Variants in GSTO1 observed in about 807,000 individuals in gnomAD.
The protein encoded by GSTO1 is glutathione S-transferase omega-1.
GSTO1 carries 27 observed loss-of-function variants against 23.8 expected under a neutral mutation model. The ratio of observed to expected loss-of-function variants is 1.13; its 90% CI spans 0.83 to 1.56. The LOEUF (loss-of-function observed/expected upper bound fraction) is 1.56, where lower values mean the gene tolerates loss of function less well. Among genes scored for constraint, GSTO1 ranks in the 40% most tolerant of loss-of-function variants. The pLI, the probability that GSTO1 is intolerant of heterozygous loss-of-function variation, is 0.00. For missense variants in GSTO1, 255 were observed against 285.8 expected (o/e 0.89, Z 0.78); for synonymous variants, 105 against 109.3 (o/e 0.96, Z 0.25).
chr10:104,266,662 G>A lies in GSTO1; in HGVS notation c.572+472G>A, dbSNP rs531131756. On this transcript the variant is annotated intron_variant, in intron 5 of 5. Transcript: ENST00000369713. ...TGAGGCAGGAGAATCACTTGAACCC[G>A]GGAGGCAGTTGCAGTGAGCTGAGAT... Among the ~76,000 whole-genome samples the A allele has an allele frequency of 5.3e-5, 8 of 151,996 alleles. No homozygotes were observed. In the East Asian group the frequency reaches 9.7e-4, roughly 18 times the overall value.
chr10:104,261,322 C>T (rs2011138401), intron 3 of GSTO1, among the ~76,000 whole-genome samples: 1 of 152,190 alleles, frequency 6.6e-6, no homozygotes, highest in South Asian at 2.1e-4. Flanking sequence ...AAGATGCCCA[C>T]CTTTACTTCC....
intron 2 of GSTO1, among the ~76,000 whole-genome samples, chr10:104,256,913 A>T (rs551426915): frequency 7.3e-5 from 11 of 149,758 alleles, no homozygotes; most frequent in Non-Finnish European, 1.3e-4. Flanking sequence ...AATGGCTGGT[A>T]CTTAAGTGTC....
intron 4 of GSTO1, among the ~76,000 whole-genome samples, chr10:104,265,233 T>C (rs997066316): frequency 1.3e-5 from 2 of 152,192 alleles, no homozygotes; most frequent in African/African-American, 4.8e-5. Context: ...AACAAAATAC[T>C]AGTTTGGGCT....
Position 104,259,659 on chromosome 10 carries a change from A to G in GSTO1, c.227A>G (p.Glu76Gly), listed in dbSNP as rs1337492547. The G allele has an allele frequency of 6.2e-7, 1 of 1,613,528 alleles. No homozygotes were observed. Among genetic ancestry groups the G allele is most frequent in the Non-Finnish European group, 8.5e-7 (1 of 1,179,452 alleles). Residue 76 changes from glutamate (E) to glycine (G), a missense_variant, in exon 3 of 6, where the codon GAA becomes GGA. By Grantham distance (98) the Glu-to-Gly change is moderately conservative. Coordinates refer to ENST00000369713, the MANE Select transcript of GSTO1 (RefSeq NM_004832.3). The stretch of plus-strand genomic sequence containing the variant: ...CCCTTTGGTCTGGTGCCAGTTCTGG[A>G]AAACAGTCAGGGTCAGCTGATCTAC... Reference protein sequence around the residue: ...KNPFGLVPVLENSQGQLIYES... With the variant: ...KNPFGLVPVLGNSQGQLIYES...
chr10:104,264,075 CATT>C (rs2135064571), intron 4 of GSTO1, among the ~76,000 whole-genome samples: 1 of 152,156 alleles, frequency 6.6e-6, no homozygotes, highest in African/African-American at 2.4e-5. Flanking sequence ...CTTATAGTAT[CATT>C]ATTGGCTTTT....
At chr10:104,263,195 T>G (rs1294946025) in intron 4 of GSTO1, 118 bp downstream of exon 4, 3 of 536,800 alleles carry the variant, frequency 5.6e-6, no homozygotes, top group Non-Finnish European at 1.0e-5. Context: ...ATTAGGAAAA[T>G]TCCCCTAAAC....
At position 104,254,948 on chromosome 10, in the gene GSTO1, G is replaced by A. The variant is rs72559704; in HGVS notation, c.20G>A (p.Arg7Lys). The A allele has an allele frequency of 2.3e-3, 3,779 of 1,610,756 alleles. 11 individuals carry two copies. Among genetic ancestry groups the A allele is most frequent in the Non-Finnish European group, 2.4e-3 (2,782 of 1,179,060 alleles). Residue 7 changes from arginine to lysine, a missense_variant, in exon 1 of 6, where the codon AGG becomes AAG. Coordinates refer to ENST00000369713, the MANE Select transcript of GSTO1 (RefSeq NM_004832.3). MSGESA[R>K]SLGKGSAPPG... is the part of the protein sequence containing the mutation. ...GCCACGATGTCCGGGGAGTCAGCCAGGAGCTTGGGGAAGGGTGAGGCCTGC... is the reference window on the plus strand; with the variant it reads ...GCCACGATGTCCGGGGAGTCAGCCAAGAGCTTGGGGAAGGGTGAGGCCTGC...
Position 104,254,896 on chromosome 10 carries a change from A to AC in GSTO1, c.-29dup, listed in dbSNP as rs1440092615. On this transcript the variant is annotated 5_prime_UTR_variant, in exon 1 of 6. Transcript: ENST00000369713. ...CACCTACTTCCTGAATCCCCTGCAA[A>AC]CCCCAGAGGAGCTCGGCCTGCGCTG... 4 of 1,607,520 alleles carry AC rather than the reference A, an allele frequency of 2.5e-6. No homozygotes were observed. Among genetic ancestry groups the AC allele is most frequent in the Non-Finnish European group, 3.4e-6 (4 of 1,176,614 alleles).
chr10:104,263,351 C>T (rs937201999), intron 4 of GSTO1, among the ~76,000 whole-genome samples: 1 of 152,152 alleles, frequency 6.6e-6, no homozygotes, highest in Non-Finnish European at 1.5e-5. Flanking sequence ...GGAAATTGTA[C>T]CCACGTTTCC....
intron 4 of GSTO1, among the ~76,000 whole-genome samples, chr10:104,263,740 GTTTTTCAGAAACCTT>G (rs1229840444): frequency 2.6e-5 from 4 of 151,884 alleles, no homozygotes; most frequent in African/African-American, 7.3e-5. Flanking sequence ...TTTGCTGTAG[GTTTTTCAGAAACCTT>G]TTTTTCATTA....
chr10:104,267,344 G>A lies in GSTO1; in HGVS notation c.665G>A (p.Trp222Ter). ...VSALLTSEKD[W>*]QGFLELYLQN... ...GCCCTGCTTACTAGTGAGAAAGACT[G>A]GCAAGGTTTCCTAGAGCTCTACTTA... The change falls in exon 6 of 6, where the codon TGG (tryptophan) becomes TAG (stop). Residue 222 changes from tryptophan to a stop codon, truncating the protein, a stop_gained. Transcript: ENST00000369713. LOFTEE classifies it high-confidence loss of function. 1 of 1,613,782 alleles carries A rather than the reference G, an allele frequency of 6.2e-7. No homozygotes were observed. Among genetic ancestry groups the A allele is most frequent in the Admixed American group, 1.7e-5 (1 of 60,028 alleles).
intron 4 of GSTO1, among the ~76,000 whole-genome samples, chr10:104,264,944 T>A (rs1403689898): frequency 6.6e-6 from 1 of 152,198 alleles, no homozygotes; most frequent in East Asian, 1.9e-4. Context: ...CTCTTGATGG[T>A]ATGGCTGCCC....
At chr10:104,258,022 A>G (rs1191544666) in intron 2 of GSTO1, among the ~76,000 whole-genome samples, 1 of 152,248 alleles carries the variant, frequency 6.6e-6, no homozygotes, top group Non-Finnish European at 1.5e-5. Flanking sequence ...TGAAGCTTAC[A>G]TTCTAGGAAG....
At chr10:104,265,168 C>A (rs1431137737) in intron 4 of GSTO1, among the ~76,000 whole-genome samples, 1 of 152,334 alleles carries the variant, frequency 6.6e-6, no homozygotes, top group African/African-American at 2.4e-5. Flanking sequence ...AGCATAAAAA[C>A]ACAACACGTT....
upstream of GSTO1, chr10:104,254,666 T>C: frequency 3.5e-6 from 2 of 566,110 alleles, no homozygotes; most frequent in Non-Finnish European, 6.3e-6. Flanking sequence ...GGCGGAGGGA[T>C]GACTGAGCAT....
chr10:104,263,270 A>C (rs2011153894), intron 4 of GSTO1, among the ~76,000 whole-genome samples, 193 bp downstream of exon 4: 1 of 152,244 alleles, frequency 6.6e-6, no homozygotes, highest in Non-Finnish European at 1.5e-5. Flanking sequence ...TATAAATCAA[A>C]ACACCTAAAC....
At chr10:104,265,998 CT>C in intron 4 of GSTO1, 85 bp from the exon 5 acceptor site, 1 of 698,204 alleles carries the variant, frequency 1.4e-6, no homozygotes, top group South Asian at 1.8e-5. Flanking sequence ...CTTCTCTCAC[CT>C]GCTCTACTTA....
Position 104,254,916 on chromosome 10 carries a change from G to A in GSTO1, c.-13G>A. The A allele has an allele frequency of 3.7e-6, 6 of 1,611,380 alleles. No individual in the cohort carries two copies. Among genetic ancestry groups the A allele is most frequent in the Non-Finnish European group, 5.1e-6 (6 of 1,179,146 alleles). Reference sequence around the variant, plus strand: ...TGCAAACCCCAGAGGAGCTCGGCCTGCGCTGCGCCACGATGTCCGGGGAGT... The same window carrying A: ...TGCAAACCCCAGAGGAGCTCGGCCTACGCTGCGCCACGATGTCCGGGGAGT... On this transcript the variant is annotated 5_prime_UTR_variant, in exon 1 of 6. Coordinates refer to ENST00000369713, the MANE Select transcript of GSTO1 (RefSeq NM_004832.3).
intron 2 of GSTO1, among the ~76,000 whole-genome samples, chr10:104,256,036 T>G (rs984132995): frequency 6.6e-6 from 1 of 152,212 alleles, no homozygotes; most frequent in African/African-American, 2.4e-5. Context: ...AACCCCCTAT[T>G]CTTAAGGAAT....
Sources: gnomAD v4.1 joint callset for allele counts (sites outside exome capture counted in the v4.1 genomes callset) on GRCh38, gnomAD v4.1.1 for gene constraint, MANE v1.5 for transcripts, NCBI Gene and HGNC (gene_info 2026-07-23, HGNC 2026-07-21) for gene names.